NDST4: variants seen among roughly 807,000 people sequenced by gnomAD.
NDST4 encodes the protein N-deacetylase and N-sulfotransferase 4.
A neutral mutation model predicts 100.8 loss-of-function variants in NDST4; 63 were observed. That is an observed-to-expected ratio of 0.62 (90% CI 0.51 to 0.77). NDST4 has a LOEUF of 0.77. NDST4 is among the 30% of genes least tolerant of loss of function. NDST4 has a pLI of 0.00. For synonymous variants in NDST4, 377 were observed against 361.8 expected, an observed-to-expected ratio of 1.04 and a Z score of -0.48; for missense variants, 943 against 1,018.4, an observed-to-expected ratio of 0.93 and a Z score of 1.01.
intron 2 of NDST4, among the ~76,000 whole-genome samples, chr4:115,022,317 G>A (rs1727855203): frequency 6.7e-6 from 1 of 150,018 alleles, no homozygotes; most frequent in Non-Finnish European, 1.5e-5. Flanking sequence ...GTACATATGT[G>A]TTCCACATAC....
At chr4:115,056,003 T>C (rs1190640594) in intron 2 of NDST4, among the ~76,000 whole-genome samples, 1 of 152,086 alleles carries the variant, frequency 6.6e-6, no homozygotes, top group Non-Finnish European at 1.5e-5. Flanking sequence ...ATTTGAAAAA[T>C]ACTAATAAGG....
At position 114,990,845 on chromosome 4, in the gene NDST4, G is replaced by C. The variant is rs183245814; in HGVS notation, c.979-13571C>G. On this transcript the variant is annotated intron_variant, in intron 2 of 13. Transcript: ENST00000264363. The stretch of plus-strand genomic sequence containing the variant: ...TCATTGACAGTAAACATTTGATTCT[G>C]CTCAAATTTAACGCACCGAGGCATT... Among the ~76,000 whole-genome samples, 3 of 152,126 alleles carry C rather than the reference G, an allele frequency of 2.0e-5. No individual in the cohort carries two copies. The East Asian group carries it at 5.8e-4, about 29-fold the overall frequency.
chr4:115,052,646 T>C (rs1578484351), intron 2 of NDST4, among the ~76,000 whole-genome samples: 1 of 152,184 alleles, frequency 6.6e-6, no homozygotes, highest in East Asian at 1.9e-4. Flanking sequence ...ATTTGCCTTC[T>C]TTCATGATTG....
chr4:115,090,536 T>C (rs1327222121), intron 1 of NDST4, among the ~76,000 whole-genome samples: 1 of 152,012 alleles, frequency 6.6e-6, no homozygotes, highest in Non-Finnish European at 1.5e-5. Flanking sequence ...GATTTGTTAA[T>C]TATATTTGAT....
intron 1 of NDST4, among the ~76,000 whole-genome samples, chr4:115,098,990 G>A (rs1343328610): frequency 6.6e-6 from 1 of 152,174 alleles, no homozygotes; most frequent in Non-Finnish European, 1.5e-5. Context: ...TTACAGGCAT[G>A]AGCCACCATG....
At chr4:114,933,903 C>T (rs1355010128) in intron 6 of NDST4, among the ~76,000 whole-genome samples, 2 of 152,078 alleles carry the variant, frequency 1.3e-5, no homozygotes, top group Non-Finnish European at 2.9e-5. Context: ...AACACTGTTG[C>T]TAGAAATATA....
At chr4:114,889,997 C>A (rs530013286) in intron 6 of NDST4, among the ~76,000 whole-genome samples, 1 of 152,044 alleles carries the variant, frequency 6.6e-6, no homozygotes, top group African/African-American at 2.4e-5. Flanking sequence ...AATCTTGGTG[C>A]CTTTCTCAAG....
chr4:115,023,454 C>T (rs1241996373), intron 2 of NDST4, among the ~76,000 whole-genome samples: 1 of 143,808 alleles, frequency 7.0e-6, no homozygotes, highest in Admixed American at 7.2e-5. Flanking sequence ...CATTGCACTC[C>T]AGCCTGGGCA....
At chr4:114,933,728 CA>C (rs1173791982) in intron 6 of NDST4, among the ~76,000 whole-genome samples, 1 of 152,012 alleles carries the variant, frequency 6.6e-6, no homozygotes. Context: ...GGAAGACATA[CA>C]AATGCCCAAC....
chr4:114,898,750 C>CTTAAG (rs4001837), intron 6 of NDST4, among the ~76,000 whole-genome samples: 34,237 of 151,752 alleles, frequency 0.23, 5,502 homozygotes, highest in African/African-American at 0.46. Flanking sequence ...AAATTTTGCA[C>CTTAAG]TTATTAGAAT....
intron 4 of NDST4, among the ~76,000 whole-genome samples, chr4:114,963,114 T>C (rs1483133694): frequency 6.6e-6 from 1 of 152,056 alleles, no homozygotes; most frequent in Non-Finnish European, 1.5e-5. Context: ...TGAATGCTCA[T>C]AGCAGCATTA....
At chr4:115,028,043 A>C (rs1728027361) in intron 2 of NDST4, among the ~76,000 whole-genome samples, 1 of 151,726 alleles carries the variant, frequency 6.6e-6, no homozygotes, top group Non-Finnish European at 1.5e-5. Flanking sequence ...CTGGGCAATA[A>C]GAGTAAAACT....
intron 2 of NDST4, among the ~76,000 whole-genome samples, chr4:115,026,195 G>A (rs1727980743): frequency 6.6e-6 from 1 of 151,688 alleles, no homozygotes; most frequent in Non-Finnish European, 1.5e-5. Flanking sequence ...TGTATAATTG[G>A]CTTTATTGAA....
intron 4 of NDST4, among the ~76,000 whole-genome samples, chr4:114,958,512 AGGCTTCG>A (rs1726189849): frequency 6.6e-6 from 1 of 152,160 alleles, no homozygotes; most frequent in Admixed American, 6.5e-5. Context: ...TAGGCTGCAA[AGGCTTCG>A]GGCTTTCGTC....
chr4:115,101,805 A>G (rs1729735155), intron 1 of NDST4, among the ~76,000 whole-genome samples: 1 of 152,138 alleles, frequency 6.6e-6, no homozygotes, highest in Admixed American at 6.6e-5. Context: ...GTCATGAGGA[A>G]TATATGCTTA....
intron 4 of NDST4, among the ~76,000 whole-genome samples, chr4:114,963,619 G>A (rs1240376187): frequency 1.3e-5 from 2 of 152,088 alleles, no homozygotes; most frequent in Non-Finnish European, 2.9e-5. Context: ...TGATACAATG[G>A]TAACTTGCAC....
intron 13 of NDST4, 80 bp downstream of exon 13, chr4:114,829,710 C>A: frequency 2.0e-6 from 2 of 979,822 alleles, no homozygotes; most frequent in Non-Finnish European, 3.0e-6. Context: ...AAAAAGGAAG[C>A]AAATTTCTTG....
chr4:114,984,506 A>T (rs994210641), intron 2 of NDST4, among the ~76,000 whole-genome samples: 7 of 152,120 alleles, frequency 4.6e-5, no homozygotes, highest in African/African-American at 1.7e-4. Context: ...CAAAACAGCT[A>T]CCTCAGAGTG....
chr4:114,987,170 A>G (rs963880935), intron 2 of NDST4, among the ~76,000 whole-genome samples: 8 of 152,126 alleles, frequency 5.3e-5, no homozygotes, highest in Non-Finnish European at 8.8e-5. Context: ...GCCAAGAATA[A>G]CATACATATA....
Sources: gnomAD v4.1 joint callset for allele counts (sites outside exome capture counted in the v4.1 genomes callset) on GRCh38, gnomAD v4.1.1 for gene constraint, MANE v1.5 for transcripts, NCBI Gene and HGNC (gene_info 2026-07-23, HGNC 2026-07-21) for gene names.